Variants in RBMS1 observed in about 807,000 individuals in gnomAD.
RBMS1 encodes the protein RNA-binding motif, single-stranded-interacting protein 1.
Under a neutral mutation model 62.3 loss-of-function variants are expected in RBMS1, and 17 were observed. That is an observed-to-expected ratio of 0.27 (90% CI 0.19 to 0.41). RBMS1 has a LOEUF of 0.41. Ranked by LOEUF, RBMS1 falls within the 10% of genes least tolerant of loss-of-function variation. The probability of loss-of-function intolerance (pLI) is 1.00; values close to 1 mark genes in which losing one functional copy is unlikely to be tolerated. For synonymous variants in RBMS1, 172 were observed against 170.0 expected, an observed-to-expected ratio of 1.01 and a Z score of -0.09; for missense variants, 334 against 504.5, an observed-to-expected ratio of 0.66 and a Z score of 3.24.
chr2:160,299,819 G>A (rs1274286633), intron 6 of RBMS1, among the ~76,000 whole-genome samples: 1 of 152,174 alleles, frequency 6.6e-6, no homozygotes, highest in Non-Finnish European at 1.5e-5. Context: ...TGGGGAAATT[G>A]AGAACTGCTG....
Position 160,313,279 on chromosome 2 carries a change from C to T in RBMS1, c.311-32G>A, listed in dbSNP as rs140780484. On this transcript the variant is annotated intron_variant, in intron 3 of 13. Transcript: ENST00000348849. ...TGCAAAAACACACTTAGTATTTAAG[C>T]CATTATTCTGTGGTTAGGTAAAAGG... is the stretch of plus-strand genomic sequence containing the variant. 1.9e-4 allele frequency: 305 copies of T among 1,597,438 alleles called. 1 individual carries two copies. In the African/African-American group the frequency reaches 3.8e-3, roughly 20 times the overall value.
rs146724067 is a variant in RBMS1, at chr2:160,443,086, A to T, written c.75+50203T>A. 6.5e-3 allele frequency among the ~76,000 whole-genome samples: 995 copies of T among 152,086 alleles called. 4 individuals are homozygous for T. The highest frequency in any genetic ancestry group is 0.01 in the Non-Finnish European group (696 of 67,984). On this transcript the variant is annotated intron_variant, in intron 1 of 13. Transcript: ENST00000348849. ...CCGGGTGTGGTGGCGGGCACCTGTAATCCCAACTACTTGGGAGGCTGAGGC... is the reference window on the plus strand; with the variant it reads ...CCGGGTGTGGTGGCGGGCACCTGTATTCCCAACTACTTGGGAGGCTGAGGC...
At chr2:160,393,286 T>G (rs1275058745) in intron 1 of RBMS1, among the ~76,000 whole-genome samples, 1 of 152,310 alleles carries the variant, frequency 6.6e-6, no homozygotes, top group East Asian at 1.9e-4. Context: ...ATTTCTTAAA[T>G]ATCTGAAGCT....
At chr2:160,344,533 C>T (rs1573900581) in intron 2 of RBMS1, among the ~76,000 whole-genome samples, 1 of 152,118 alleles carries the variant, frequency 6.6e-6, no homozygotes, top group East Asian at 1.9e-4. Flanking sequence ...GTCTACGACT[C>T]CAACAGTATA....
intron 2 of RBMS1, among the ~76,000 whole-genome samples, 179 bp from the exon 3 acceptor site, chr2:160,318,406 GA>G (rs1407271126): frequency 6.6e-6 from 1 of 151,954 alleles, no homozygotes; most frequent in Non-Finnish European, 1.5e-5. Flanking sequence ...ACTCAAAACT[GA>G]AAAAAAGGGA....
At chr2:160,328,266 C>T (rs1288840637) in intron 2 of RBMS1, among the ~76,000 whole-genome samples, 1 of 152,090 alleles carries the variant, frequency 6.6e-6, no homozygotes, top group East Asian at 1.9e-4. Context: ...TCTCCCATAC[C>T]CTTCAATTAA....
intron 1 of RBMS1, among the ~76,000 whole-genome samples, chr2:160,454,836 T>C (rs200412001): frequency 6.6e-6 from 1 of 152,352 alleles, no homozygotes; most frequent in East Asian, 1.9e-4. Flanking sequence ...AAATGAGCAA[T>C]TGAAATTTCT....
Position 160,493,477 on chromosome 2 carries a change from G to C in RBMS1, c.-114C>G. 1.2e-6 allele frequency: 1 copy of C among 850,680 alleles called. No homozygotes were observed. The highest frequency in any genetic ancestry group is 1.9e-6 in the Non-Finnish European group (1 of 524,264). 52.7% of individuals were successfully genotyped at this position (850,680 alleles called of 1,614,324 possible). On this transcript the variant is annotated 5_prime_UTR_variant, in exon 1 of 14. Transcript: ENST00000348849. The stretch of plus-strand genomic sequence containing the variant: ...GGCGGCAGCGGCGGCGGCGGCGGCG[G>C]CTGCTGCTGCTGCCGCTGCTCCACC...
intron 6 of RBMS1, among the ~76,000 whole-genome samples, chr2:160,300,401 G>C (rs926319180): frequency 6.6e-6 from 1 of 152,208 alleles, no homozygotes. Flanking sequence ...GCTGGCTGCT[G>C]CATCAAAAGA....
chr2:160,279,969 GATA>G (rs1688020411), intron 10 of RBMS1, among the ~76,000 whole-genome samples: 1 of 152,190 alleles, frequency 6.6e-6, no homozygotes, highest in South Asian at 2.1e-4. Context: ...GTGTGTCAGA[GATA>G]ATGTTTGTCA....
chr2:160,335,302 A>C (rs1157649616), intron 2 of RBMS1, among the ~76,000 whole-genome samples: 1 of 152,158 alleles, frequency 6.6e-6, no homozygotes, highest in Non-Finnish European at 1.5e-5. Context: ...TCCTACTCAG[A>C]ATATGGAGTA....
chr2:160,477,843 G>GT (rs1685207074), intron 1 of RBMS1, among the ~76,000 whole-genome samples: 1 of 152,266 alleles, frequency 6.6e-6, no homozygotes, highest in East Asian at 1.9e-4. Flanking sequence ...CTTTTAAGGT[G>GT]TTCATCATGC....
chr2:160,393,535 T>C (rs946491317), intron 1 of RBMS1, among the ~76,000 whole-genome samples: 4 of 152,056 alleles, frequency 2.6e-5, no homozygotes, highest in Non-Finnish European at 4.4e-5. Flanking sequence ...CCTAGCAACT[T>C]TGGGAGGCCG....
At chr2:160,314,940 A>G (rs950691592) in intron 3 of RBMS1, among the ~76,000 whole-genome samples, 4 of 152,168 alleles carry the variant, frequency 2.6e-5, no homozygotes, top group African/African-American at 9.7e-5. Context: ...TCTCTCTCTC[A>G]TATAGTTTCA....
chr2:160,493,157 A>G (rs1685925015), intron 1 of RBMS1, 132 bp downstream of exon 1: 4 of 872,122 alleles, frequency 4.6e-6, no homozygotes, highest in Non-Finnish European at 7.0e-6. Flanking sequence ...CCAGCGCTAT[A>G]GTTAGCAACC....
intron 1 of RBMS1, among the ~76,000 whole-genome samples, chr2:160,492,176 T>C (rs532798282): frequency 6.6e-6 from 1 of 152,266 alleles, no homozygotes; most frequent in East Asian, 1.9e-4. Flanking sequence ...CCATACCTGA[T>C]TCTTTTGTGA....
chr2:160,313,332 G>C, intron 3 of RBMS1, 85 bp from the exon 4 acceptor site: 4 of 1,315,326 alleles, frequency 3.0e-6, no homozygotes, highest in Non-Finnish European at 4.2e-6. Flanking sequence ...CTTTGTTTCT[G>C]GTGTGGGCAA....
intron 9 of RBMS1, chr2:160,284,134 C>CGTGT: frequency 6.5e-6 from 1 of 153,302 alleles, no homozygotes; most frequent in South Asian, 2.0e-4. Context: ...TGCATGTACA[C>CGTGT]TACTGGGTTC....
intron 2 of RBMS1, among the ~76,000 whole-genome samples, chr2:160,332,650 G>A (rs1691344499): frequency 1.3e-5 from 2 of 152,140 alleles, no homozygotes; most frequent in South Asian, 2.1e-4. Context: ...ATGCTTAAAT[G>A]GTCAGGGTAA....
Sources: allele counts gnomAD v4.1 joint callset (sites outside exome capture counted in the v4.1 genomes callset), GRCh38; gene constraint gnomAD v4.1.1; transcripts MANE v1.5; gene names NCBI Gene and HGNC (gene_info 2026-07-23, HGNC 2026-07-21).